Variants in BRINP2 observed in about 807,000 individuals in gnomAD.
BRINP2 encodes the protein BMP/retinoic acid inducible neural specific 2.
BRINP2 carries 21 observed loss-of-function variants against 69.2 expected under a neutral mutation model. The observed-to-expected ratio is 0.30, with a 90% CI of 0.22 to 0.44. BRINP2 has a LOEUF of 0.44. Among genes scored for constraint, BRINP2 ranks in the 20% least tolerant of loss-of-function variants. The probability of loss-of-function intolerance (pLI) is 1.00; values close to 1 mark genes in which losing one functional copy is unlikely to be tolerated. For synonymous variants in BRINP2, 380 were observed against 394.1 expected (o/e 0.96, Z 0.42); for missense variants, 877 against 986.0 (o/e 0.89, Z 1.48).
intron 2 of BRINP2, among the ~76,000 whole-genome samples, chr1:177,247,220 G>A (rs1650414875): frequency 6.6e-6 from 1 of 152,228 alleles, no homozygotes; most frequent in African/African-American, 2.4e-5. Flanking sequence ...TCCTGTGTCT[G>A]AAATTCTTTA....
At chr1:177,262,054 C>A (rs563104729) in intron 4 of BRINP2, among the ~76,000 whole-genome samples, 1 of 151,948 alleles carries the variant, frequency 6.6e-6, no homozygotes. Context: ...GAAGAAAACT[C>A]GAGGAAGGAA....
chr1:177,194,915 A>C (rs1648699425), intron 1 of BRINP2, among the ~76,000 whole-genome samples: 1 of 152,134 alleles, frequency 6.6e-6, no homozygotes, highest in African/African-American at 2.4e-5. Context: ...TTTTCTTGTT[A>C]AGACATCACC....
chr1:177,191,457 G>A (rs775643456), intron 1 of BRINP2, among the ~76,000 whole-genome samples: 10 of 151,724 alleles, frequency 6.6e-5, no homozygotes, highest in Non-Finnish European at 1.3e-4. Flanking sequence ...TCACTCTTTC[G>A]CTCTTTTTTT....
At chr1:177,219,993 A>G (rs1649478603) in intron 1 of BRINP2, among the ~76,000 whole-genome samples, 1 of 152,212 alleles carries the variant, frequency 6.6e-6, no homozygotes, top group Non-Finnish European at 1.5e-5. Flanking sequence ...CAAGGGATTG[A>G]AGTAGATGAC....
At chr1:177,238,876 T>C (rs893852918) in intron 2 of BRINP2, among the ~76,000 whole-genome samples, 2 of 152,244 alleles carry the variant, frequency 1.3e-5, no homozygotes, top group Non-Finnish European at 2.9e-5. Flanking sequence ...CTAAGTACTT[T>C]ATTAACATTA....
chr1:177,262,693 G>A (rs1650995827), intron 4 of BRINP2, among the ~76,000 whole-genome samples: 1 of 152,210 alleles, frequency 6.6e-6, no homozygotes. Context: ...TGGTGAGATA[G>A]TGCTGTTGTT....
At position 177,171,133 on chromosome 1, in the gene BRINP2, G is replaced by A. The variant is rs1010281191; in HGVS notation, c.-676G>A. On this transcript the variant is annotated 5_prime_UTR_variant, in exon 1 of 8. It adds an upstream start codon to the 5' untranslated region. Transcript: ENST00000361539. Reference sequence around the variant, plus strand: ...ACTTGCCCGGGGATGTGCACCTGCCGTGCGCTCCGAGGTCAGTGGCAGGTC... The same window carrying A: ...ACTTGCCCGGGGATGTGCACCTGCCATGCGCTCCGAGGTCAGTGGCAGGTC... Among the ~76,000 whole-genome samples, 1 of 152,256 alleles carries A rather than the reference G, an allele frequency of 6.6e-6. No individual in the cohort carries two copies. Among genetic ancestry groups the A allele is most frequent in the Non-Finnish European group, 1.5e-5 (1 of 68,040 alleles).
chr1:177,281,519 CTG>C lies in BRINP2; in HGVS notation c.2345_2346del (p.Cys782Ter). On this transcript the variant is annotated frameshift_variant, in exon 8 of 8. Transcript: ENST00000361539. LOFTEE classifies it high-confidence loss of function. ...CTGTGGAATATGAGACCGGCAAACT[CTG>C]TAGCTAATGGGCGGCCCACTTCAGC... Reference protein sequence around the residue: ...NPVEYETGKLCS With the variant: ...NPVEYETGKLXS The C allele has an allele frequency of 1.2e-6, 2 of 1,602,212 alleles. No individual in the cohort carries two copies. Among genetic ancestry groups the C allele is most frequent in the African/African-American group, 1.3e-5 (1 of 74,936 alleles).
At chr1:177,197,927 T>C (rs1329958761) in intron 1 of BRINP2, among the ~76,000 whole-genome samples, 2 of 152,158 alleles carry the variant, frequency 1.3e-5, no homozygotes, top group African/African-American at 4.8e-5. Context: ...CTTTTTAAAA[T>C]ATGAGTGATG....
chr1:177,196,075 C>T (rs577312856), intron 1 of BRINP2, among the ~76,000 whole-genome samples: 21 of 152,272 alleles, frequency 1.4e-4, no homozygotes, highest in Non-Finnish European at 2.6e-4. Flanking sequence ...TCTATTTACC[C>T]CTTTTCAAAA....
chr1:177,276,062 G>T (rs1651483124), intron 5 of BRINP2, 136 bp from the exon 6 acceptor site: 3 of 774,564 alleles, frequency 3.9e-6, no homozygotes, highest in Non-Finnish European at 6.6e-6. Context: ...GCAGGATTAG[G>T]CCCTGTGGTG....
chr1:177,219,528 A>G (rs1231370753), intron 1 of BRINP2, among the ~76,000 whole-genome samples: 1 of 152,234 alleles, frequency 6.6e-6, no homozygotes, highest in African/African-American at 2.4e-5. Flanking sequence ...GGCAACTCAT[A>G]TATTTACAAA....
At chr1:177,216,915 C>A (rs1372958700) in intron 1 of BRINP2, among the ~76,000 whole-genome samples, 1 of 151,332 alleles carries the variant, frequency 6.6e-6, no homozygotes. Flanking sequence ...TTATCTCTTG[C>A]TGCTCTCAGA....
At chr1:177,243,592 G>A (rs566273930) in intron 2 of BRINP2, among the ~76,000 whole-genome samples, 121 of 152,316 alleles carry the variant, frequency 7.9e-4, no homozygotes, top group Admixed American at 1.8e-3. Flanking sequence ...ATACAGTTAA[G>A]AGATCAAGAG....
At chr1:177,277,627 G>A (rs1413309197) in intron 6 of BRINP2, among the ~76,000 whole-genome samples, 1 of 151,838 alleles carries the variant, frequency 6.6e-6, no homozygotes, top group Non-Finnish European at 1.5e-5. Context: ...TGAGGCCCCA[G>A]GGGTTGCCAT....
chr1:177,256,255 C>A, intron 3 of BRINP2, 146 bp downstream of exon 3: 1 of 1,413,602 alleles, frequency 7.1e-7, no homozygotes, highest in Non-Finnish European at 9.3e-7. Flanking sequence ...GAAAACAGTG[C>A]AGTCTCTTGA....
chr1:177,241,163 G>A (rs906592085), intron 2 of BRINP2, among the ~76,000 whole-genome samples: 3 of 152,208 alleles, frequency 2.0e-5, no homozygotes, highest in Admixed American at 6.5e-5. Context: ...AGTAGAGACC[G>A]GGTTTCACCG....
At chr1:177,277,214 C>T (rs1203828020) in intron 6 of BRINP2, among the ~76,000 whole-genome samples, 2 of 149,530 alleles carry the variant, frequency 1.3e-5, no homozygotes, top group African/African-American at 5.0e-5. Flanking sequence ...AAGTATAATA[C>T]ATATGTAATA....
In BRINP2 at chr1:177,281,517, C is replaced by T; in HGVS notation, c.2341C>T (p.Leu781Phe). The change falls in exon 8 of 8, where the codon CTC (leucine) becomes TTC (phenylalanine). Residue 781 changes from leucine to phenylalanine, a missense_variant. Around this residue, in one of 3 missense-constraint regions of BRINP2, gnomAD observed 225 missense variants for 218.7 expected, o/e 1.03. Transcript: ENST00000361539. Reference sequence around the variant, plus strand: ...CCCTGTGGAATATGAGACCGGCAAACTCTGTAGCTAATGGGCGGCCCACTT... The same window carrying T: ...CCCTGTGGAATATGAGACCGGCAAATTCTGTAGCTAATGGGCGGCCCACTT... ...PNPVEYETGK[L>F]CS 6.2e-7 allele frequency: 1 copy of T among 1,602,778 alleles called. No individual in the cohort carries two copies. Among genetic ancestry groups the T allele is most frequent in the Non-Finnish European group, 8.5e-7 (1 of 1,177,448 alleles).
Sources: gnomAD v4.1 joint callset for allele counts (sites outside exome capture counted in the v4.1 genomes callset) on GRCh38, gnomAD v4.1.1 for gene constraint, gnomAD v4.1.1 regional missense constraint, MANE v1.5 for transcripts, NCBI Gene and HGNC (gene_info 2026-07-23, HGNC 2026-07-21) for gene names.